HDAC4: variants seen among roughly 807,000 people sequenced by gnomAD.
The protein encoded by HDAC4 is histone deacetylase A.
A neutral mutation model predicts 135.1 loss-of-function variants in HDAC4; 16 were observed. That is an observed-to-expected ratio of 0.12 (90% CI 0.08 to 0.18). The LOEUF (loss-of-function observed/expected upper bound fraction) is 0.18. HDAC4 is among the 10% of genes least tolerant of loss of function. HDAC4 has a pLI of 1.00. For missense variants in HDAC4, 1,143 were observed against 1,511.8 expected (o/e 0.76, Z 4.05); for synonymous variants, 685 against 653.4 (o/e 1.05, Z -0.74).
chr2:239,063,269 C>T (rs191545718), intron 24 of HDAC4, among the ~76,000 whole-genome samples: 1,691 of 151,996 alleles, frequency 0.011, 18 homozygotes, highest in African/African-American at 0.038. Context: ...GGCGCGATCT[C>T]GGCTCACTGC....
intron 24 of HDAC4, among the ~76,000 whole-genome samples, chr2:239,065,792 C>G (rs962024715): frequency 1.2e-4 from 19 of 152,198 alleles, no homozygotes; most frequent in Admixed American, 2.0e-4. Context: ...GCTGGCTGTT[C>G]TCCGGACCTG....
Position 239,054,885 on chromosome 2 carries a change from C to T in HDAC4, c.3004-52G>A, listed in dbSNP as rs751392331. 5.2e-5 allele frequency: 63 copies of T among 1,221,106 alleles called. No homozygotes were observed. The South Asian group carries it at 5.2e-4, about 10-fold the overall frequency. 75.6% of individuals were successfully genotyped at this position (1,221,106 alleles called of 1,614,324 possible). On this transcript the variant is annotated intron_variant, in intron 24 of 26. Coordinates refer to ENST00000543185, the MANE Select transcript of HDAC4 (RefSeq NM_001378414.1). Reference sequence around the variant, plus strand: ...AGACTGCCAATATAATCCACACGTGCGTTAGACGGGTGTTCCGAGACTGCA... The same window carrying T: ...AGACTGCCAATATAATCCACACGTGTGTTAGACGGGTGTTCCGAGACTGCA...
chr2:239,215,764 C>T (rs1418404077), intron 3 of HDAC4, among the ~76,000 whole-genome samples: 1 of 152,310 alleles, frequency 6.6e-6, no homozygotes. Context: ...TCTGCACCAG[C>T]GCCTCTGCAC....
chr2:239,191,097 C>T, intron 3 of HDAC4: 1 of 434,796 alleles, frequency 2.3e-6, no homozygotes, highest in South Asian at 1.6e-5. Context: ...GCCTGCTCCC[C>T]TCCCACAGGC....
rs897544946 is a variant in HDAC4, at chr2:239,056,964, GA to G, written c.3004-2132del. 1.6e-4 allele frequency among the ~76,000 whole-genome samples: 25 copies of G among 152,216 alleles called. 2 individuals carry two copies. ...TGGCCAGTGCTCCTTGAAAAACCAT[GA>G]AAGACTGAGAAAAAAGACACGAAAT... On this transcript the variant is annotated intron_variant, in intron 24 of 26. Transcript: ENST00000543185.
intron 8 of HDAC4, among the ~76,000 whole-genome samples, chr2:239,142,507 C>T (rs1559503548): frequency 6.6e-6 from 1 of 152,256 alleles, no homozygotes; most frequent in Non-Finnish European, 1.5e-5. Context: ...CAAATGCCAC[C>T]TTCTGCAGAG....
chr2:239,161,517 T>A (rs2042792420), intron 6 of HDAC4, among the ~76,000 whole-genome samples: 1 of 152,136 alleles, frequency 6.6e-6, no homozygotes, highest in Non-Finnish European at 1.5e-5. Context: ...AGAGCCGGTT[T>A]TCTGACAAAG....
At chr2:239,343,262 T>C (rs893573240) in intron 2 of HDAC4, among the ~76,000 whole-genome samples, 2 of 152,184 alleles carry the variant, frequency 1.3e-5, no homozygotes, top group African/African-American at 2.4e-5. Context: ...TCTCATGAAA[T>C]AAACAAAGAG....
At chr2:239,264,864 G>A (rs1250543411) in intron 2 of HDAC4, among the ~76,000 whole-genome samples, 5 of 152,224 alleles carry the variant, frequency 3.3e-5, no homozygotes, top group South Asian at 2.1e-4. Context: ...GTGTTCCGGG[G>A]ACCTGAAGGC....
intron 24 of HDAC4, among the ~76,000 whole-genome samples, chr2:239,066,296 G>T (rs2033470966): frequency 6.6e-6 from 1 of 152,196 alleles, no homozygotes; most frequent in African/African-American, 2.4e-5. Context: ...GGGCAGAAGA[G>T]CCCCAGCCTG....
At chr2:239,164,195 C>T (rs2152972628) in intron 5 of HDAC4, among the ~76,000 whole-genome samples, 1 of 152,246 alleles carries the variant, frequency 6.6e-6, no homozygotes, top group East Asian at 1.9e-4. Context: ...ACAAAACCCA[C>T]TTCTGAAGGA....
intron 2 of HDAC4, among the ~76,000 whole-genome samples, chr2:239,284,424 G>A (rs1001804285): frequency 1.4e-4 from 22 of 152,180 alleles, no homozygotes; most frequent in African/African-American, 4.3e-4. Flanking sequence ...GGGACCCTCC[G>A]CGGGGCCTCG....
intron 2 of HDAC4, among the ~76,000 whole-genome samples, chr2:239,255,858 G>A (rs1426473876): frequency 6.6e-6 from 1 of 152,132 alleles, no homozygotes; most frequent in Non-Finnish European, 1.5e-5. Flanking sequence ...CGTGCATGTC[G>A]GAGAGCCCGT....
chr2:239,054,059 G>C lies in HDAC4; in HGVS notation c.3089-458C>G, dbSNP rs1006773604. 2.6e-5 allele frequency among the ~76,000 whole-genome samples: 4 copies of C among 152,062 alleles called. No homozygotes were observed. The South Asian group carries it at 8.3e-4, about 31-fold the overall frequency. On this transcript the variant is annotated intron_variant, in intron 25 of 26. Coordinates refer to ENST00000543185, the MANE Select transcript of HDAC4 (RefSeq NM_001378414.1). ...GGGGTGGAGGGGTACTGCGTCAGGC[G>C]CAAGGGGGTGTATGTGGAGGGCTGG... is the stretch of plus-strand genomic sequence containing the variant.
chr2:239,288,593 G>C (rs1378571826), intron 2 of HDAC4, among the ~76,000 whole-genome samples: 1 of 151,750 alleles, frequency 6.6e-6, no homozygotes, highest in Non-Finnish European at 1.5e-5. Context: ...ATTTTAATAA[G>C]ATGATTGGAT....
chr2:239,327,306 C>T (rs558939918), intron 2 of HDAC4, among the ~76,000 whole-genome samples: 5 of 152,166 alleles, frequency 3.3e-5, no homozygotes, highest in African/African-American at 9.7e-5. Context: ...TAAGGCAAGC[C>T]GGGGCCCGAT....
intron 21 of HDAC4, among the ~76,000 whole-genome samples, chr2:239,081,704 C>T (rs2035345967): frequency 6.6e-6 from 1 of 152,228 alleles, no homozygotes; most frequent in African/African-American, 2.4e-5. Flanking sequence ...GCCGCTGGGC[C>T]TGCCGTTCCT....
intron 13 of HDAC4, among the ~76,000 whole-genome samples, chr2:239,114,106 T>A (rs769351174): frequency 2.0e-5 from 3 of 152,118 alleles, no homozygotes; most frequent in Non-Finnish European, 2.9e-5. Flanking sequence ...GTGGCAAGCA[T>A]TTAAGAACTG....
At position 239,316,958 on chromosome 2, in the gene HDAC4, G is replaced by A. The variant is rs543150360; in HGVS notation, c.22+35720C>T. Reference sequence around the variant, plus strand: ...TACACAGGGGGAAAAATTCTAAACTGAAATACAAACAGAAACAAATAACCA... The same window carrying A: ...TACACAGGGGGAAAAATTCTAAACTAAAATACAAACAGAAACAAATAACCA... On this transcript the variant is annotated intron_variant, in intron 2 of 26. Transcript: ENST00000543185. Among the ~76,000 whole-genome samples, 5 of 152,234 alleles carry A rather than the reference G, an allele frequency of 3.3e-5. 1 individual carries two copies. In the South Asian group the frequency reaches 1.0e-3, roughly 32 times the overall value.
Sources: allele counts gnomAD v4.1 joint callset (sites outside exome capture counted in the v4.1 genomes callset), GRCh38; gene constraint gnomAD v4.1.1; transcripts MANE v1.5; gene names NCBI Gene and HGNC (gene_info 2026-07-23, HGNC 2026-07-21).